ZC2HC1B: variants seen among roughly 807,000 people sequenced by gnomAD.
ZC2HC1B encodes the protein zinc finger C2HC-type containing 1B.
A neutral mutation model predicts 31.0 loss-of-function variants in ZC2HC1B; 36 were observed. The ratio of observed to expected loss-of-function variants is 1.16; its 90% CI spans 0.89 to 1.54. The LOEUF (loss-of-function observed/expected upper bound fraction) is 1.54, where lower values mean the gene tolerates loss of function less well. ZC2HC1B is among the 40% of genes most tolerant of loss of function. ZC2HC1B has a pLI of 0.00. For synonymous variants in ZC2HC1B, 73 were observed against 88.0 expected (o/e 0.83, Z 0.95); for missense variants, 260 against 268.6 (o/e 0.97, Z 0.22).
Position 143,918,502 on chromosome 6 carries a change from T to C in ZC2HC1B, c.598+15350T>C, listed in dbSNP as rs560941317. 6.8e-4 allele frequency among the ~76,000 whole-genome samples: 103 copies of C among 152,338 alleles called. No individual in the cohort carries two copies. The South Asian group carries it at 0.021, about 31-fold the overall frequency. ...CTACTCTGATTATTTTTTGTCTTTT[T>C]CTTTTGAAAGTTTGATTATAATGTG... On this transcript the variant is annotated intron_variant, in intron 6 of 7. Coordinates refer to ENST00000237275, the MANE Select transcript of ZC2HC1B (RefSeq NM_001013623.3). This position sits in a 1 kb window ranked among gnomAD's most constrained non-coding sequence, Gnocchi z 4.1.
In ZC2HC1B at chr6:143,913,672, C is replaced by T. The variant is rs572302109; in HGVS notation, c.598+10520C>T. Reference sequence around the variant, plus strand: ...CCAGTTCTATGTGACAGATCCAAGGCTCTGGTGGCATAGGCTCACAAGGGG... The same window carrying T: ...CCAGTTCTATGTGACAGATCCAAGGTTCTGGTGGCATAGGCTCACAAGGGG... On this transcript the variant is annotated intron_variant, in intron 6 of 7. Transcript: ENST00000237275. This position sits in a 1 kb window ranked among gnomAD's most constrained non-coding sequence, Gnocchi z 5.7. 9.2e-5 allele frequency among the ~76,000 whole-genome samples: 14 copies of T among 152,338 alleles called. No individual in the cohort carries two copies. The East Asian group carries it at 1.9e-3, about 21-fold the overall frequency.
intron 6 of ZC2HC1B, among the ~76,000 whole-genome samples, chr6:143,914,716 C>T (rs1413972325): frequency 6.6e-6 from 1 of 151,986 alleles, no homozygotes; most frequent in African/African-American, 2.4e-5. Flanking sequence ...ATTTTTGCTT[C>T]ATATATTTTG....
At chr6:143,929,561 C>T (rs1470145983) in intron 6 of ZC2HC1B, among the ~76,000 whole-genome samples, 2 of 152,098 alleles carry the variant, frequency 1.3e-5, no homozygotes, top group African/African-American at 4.8e-5. Flanking sequence ...GTGTTCTCTA[C>T]TGATGTTGGT....
intron 4 of ZC2HC1B, among the ~76,000 whole-genome samples, chr6:143,891,315 G>A (rs1471527878): frequency 1.3e-5 from 2 of 152,078 alleles, no homozygotes; most frequent in Non-Finnish European, 2.9e-5. Context: ...GAAGACTCAA[G>A]ATTGTGTTAT....
chr6:143,864,624 T>C (rs1777234099), intron 1 of ZC2HC1B, 57 bp downstream of exon 1: 1 of 1,530,658 alleles, frequency 6.5e-7, no homozygotes, highest in Non-Finnish European at 8.9e-7. Context: ...TAATCATTCA[T>C]TTATGGCTTT....
intron 1 of ZC2HC1B, among the ~76,000 whole-genome samples, chr6:143,877,337 C>T (rs1458246077): frequency 8.6e-6 from 1 of 116,506 alleles, no homozygotes; most frequent in Non-Finnish European, 1.6e-5. Flanking sequence ...GCCTGGAGTG[C>T]AATGGCGCCA....
intron 4 of ZC2HC1B, among the ~76,000 whole-genome samples, chr6:143,894,358 C>A (rs931070680): frequency 6.6e-6 from 1 of 152,166 alleles, no homozygotes; most frequent in African/African-American, 2.4e-5. Flanking sequence ...CATGAGGGAA[C>A]TTTTTGGGGT....
intron 1 of ZC2HC1B, among the ~76,000 whole-genome samples, chr6:143,882,769 T>C (rs1435785547): frequency 2.0e-5 from 3 of 152,142 alleles, no homozygotes; most frequent in African/African-American, 7.2e-5. Flanking sequence ...ATTTCCATCC[T>C]GCTGGCCGGA....
chr6:143,902,925 G>T, intron 5 of ZC2HC1B, 119 bp from the exon 6 acceptor site: 5 of 841,450 alleles, frequency 5.9e-6, no homozygotes, highest in Non-Finnish European at 9.4e-6. Flanking sequence ...GATTCAGGGA[G>T]TCCCTGCAGA....
chr6:143,886,639 G>A lies in ZC2HC1B; in HGVS notation c.211-44G>A, dbSNP rs1436294689. 1.2e-5 allele frequency: 18 copies of A among 1,465,028 alleles called. No individual in the cohort carries two copies. In the Admixed American group the frequency reaches 3.8e-4, roughly 31 times the overall value. 90.8% of individuals were successfully genotyped at this position (1,465,028 alleles called of 1,614,324 possible). ...GCTTTAAACAAAATTGTAATGGAGA[G>A]GTATATAGTCTAGGGTATTATTTGT... On this transcript the variant is annotated intron_variant, in intron 3 of 7. Transcript: ENST00000237275. The surrounding 1 kb of genome is among the most constrained non-coding windows in gnomAD (Gnocchi z 4.2).
chr6:143,873,834 G>A (rs1014451241), intron 1 of ZC2HC1B, among the ~76,000 whole-genome samples: 2 of 152,348 alleles, frequency 1.3e-5, no homozygotes, highest in South Asian at 2.1e-4. Context: ...CTGGGCGTTC[G>A]ATGGGAGGGG....
At chr6:143,928,801 C>A (rs1778081624) in intron 6 of ZC2HC1B, among the ~76,000 whole-genome samples, 1 of 143,590 alleles carries the variant, frequency 7.0e-6, no homozygotes, top group African/African-American at 2.6e-5. Flanking sequence ...ATCTATCACT[C>A]CTTGTTTAAA....
At chr6:143,900,104 A>G (rs950259908) in intron 5 of ZC2HC1B, among the ~76,000 whole-genome samples, 1 of 152,124 alleles carries the variant, frequency 6.6e-6, no homozygotes, top group South Asian at 2.1e-4. Flanking sequence ...AAAGAGGTAC[A>G]GGGTGCTGGG....
intron 6 of ZC2HC1B, among the ~76,000 whole-genome samples, chr6:143,927,880 A>G (rs1053492398): frequency 6.6e-6 from 1 of 152,128 alleles, no homozygotes; most frequent in African/African-American, 2.4e-5. Flanking sequence ...CATTTCTCTG[A>G]TGATTAGTGA....
In ZC2HC1B at chr6:143,865,182, G is replaced by C. The variant is rs1777241718; in HGVS notation, c.28+615G>C. On this transcript the variant is annotated intron_variant, in intron 1 of 7. Coordinates refer to ENST00000237275, the MANE Select transcript of ZC2HC1B (RefSeq NM_001013623.3). This position sits in a 1 kb window ranked among gnomAD's most constrained non-coding sequence, Gnocchi z 4.4. Reference sequence around the variant, plus strand: ...TTTAAATGAATTTTCTGATATCTTGGTTCTCTAAAAATCTATAAATGATGA... The same window carrying C: ...TTTAAATGAATTTTCTGATATCTTGCTTCTCTAAAAATCTATAAATGATGA... 6.6e-6 allele frequency among the ~76,000 whole-genome samples: 1 copy of C among 151,998 alleles called. No individual in the cohort carries two copies. The highest frequency in any genetic ancestry group is 1.5e-5 in the Non-Finnish European group (1 of 67,992).
At chr6:143,881,564 A>G (rs1282953727) in intron 1 of ZC2HC1B, 1 of 151,974 alleles carries the variant, frequency 6.6e-6, no homozygotes, top group Non-Finnish European at 1.5e-5. Flanking sequence ...AAAAAAAAAA[A>G]AAAAAAAAAA....
rs1469207647 is a variant in ZC2HC1B, at chr6:143,885,460, C to T, written c.91-572C>T. Among the ~76,000 whole-genome samples the T allele has an allele frequency of 2.0e-5, 3 of 152,148 alleles. No homozygotes were observed. Among genetic ancestry groups the T allele is most frequent in the Non-Finnish European group, 4.4e-5 (3 of 68,022 alleles). On this transcript the variant is annotated intron_variant, in intron 2 of 7. Transcript: ENST00000237275. The surrounding 1 kb of genome is among the most constrained non-coding windows in gnomAD (Gnocchi z 4.2). ...AAGCCTATTTCTAGGCTATGGAGGG[C>T]ATTGATCAAATGATTTGATCTTTCT...
chr6:143,905,511 A>G lies in ZC2HC1B; in HGVS notation c.598+2359A>G, dbSNP rs1777782880. The stretch of plus-strand genomic sequence containing the variant: ...ATCATAGCATCTGTGAACAGAGATA[A>G]TTTTACTTCCTCCTTTCCAATTTGG... On this transcript the variant is annotated intron_variant, in intron 6 of 7. Transcript: ENST00000237275. This position sits in a 1 kb window ranked among gnomAD's most constrained non-coding sequence, Gnocchi z 4.2. Among the ~76,000 whole-genome samples, 1 of 152,162 alleles carries G rather than the reference A, an allele frequency of 6.6e-6. No homozygotes were observed. The highest frequency in any genetic ancestry group is 1.5e-5 in the Non-Finnish European group (1 of 68,030).
intron 6 of ZC2HC1B, among the ~76,000 whole-genome samples, chr6:143,936,667 T>C (rs1297747382): frequency 6.6e-6 from 1 of 152,250 alleles, no homozygotes; most frequent in African/African-American, 2.4e-5. Flanking sequence ...AATGTCACTA[T>C]GAGCATGTAG....
Sources: gnomAD v4.1 joint callset for allele counts (sites outside exome capture counted in the v4.1 genomes callset) on GRCh38, gnomAD v4.1.1 for gene constraint, Gnocchi (gnomAD v3.1) non-coding constraint, MANE v1.5 for transcripts, NCBI Gene and HGNC (gene_info 2026-07-23, HGNC 2026-07-21) for gene names.